The following SUGCT variants were observed in gnomAD, a reference collection of about 807,000 sequenced individuals.
The protein encoded by SUGCT is succinyl-CoA:glutarate CoA-transferase.
In SUGCT, 41 loss-of-function variants were observed where a neutral mutation model predicts 55.0. That is an observed-to-expected ratio of 0.74 (90% CI 0.58 to 0.97). The LOEUF (loss-of-function observed/expected upper bound fraction) is 0.97, where lower values mean the gene tolerates loss of function less well. SUGCT is among the 50% of genes least tolerant of loss of function. SUGCT has a pLI of 0.00. For missense variants in SUGCT, 568 were observed against 547.8 expected (o/e 1.04, Z -0.37); for synonymous variants, 187 against 200.4 (o/e 0.93, Z 0.56).
At chr7:40,224,345 GT>G (rs889852544) in intron 6 of SUGCT, among the ~76,000 whole-genome samples, 4 of 151,108 alleles carry the variant, frequency 2.6e-5, no homozygotes, top group African/African-American at 9.7e-5. Context: ...GTTTATAATA[GT>G]TTTTTTTCCC....
chr7:40,332,443 ATTT>A, intron 9 of SUGCT, among the ~76,000 whole-genome samples: 1 of 139,386 alleles, frequency 7.2e-6, no homozygotes, highest in South Asian at 2.2e-4. Context: ...TCTGCATTGG[ATTT>A]TTTTTTTTGT....
At chr7:40,518,069 G>A (rs1793343441) in intron 12 of SUGCT, among the ~76,000 whole-genome samples, 1 of 152,104 alleles carries the variant, frequency 6.6e-6, no homozygotes, top group Non-Finnish European at 1.5e-5. Flanking sequence ...TGGTACTGTG[G>A]TGGTGGACAC....
intron 12 of SUGCT, among the ~76,000 whole-genome samples, chr7:40,551,146 TC>T (rs1795278205): frequency 6.6e-6 from 1 of 152,184 alleles, no homozygotes; most frequent in Non-Finnish European, 1.5e-5. Context: ...TCCTAGGACA[TC>T]CTCCTCTTGG....
At chr7:40,378,308 T>A (rs887457483) in intron 9 of SUGCT, among the ~76,000 whole-genome samples, 2 of 152,142 alleles carry the variant, frequency 1.3e-5, no homozygotes, top group Admixed American at 1.3e-4. Flanking sequence ...TTTTTCTTCA[T>A]CCTTTTTTCT....
intron 9 of SUGCT, among the ~76,000 whole-genome samples, chr7:40,332,048 T>G (rs1313198089): frequency 2.0e-5 from 3 of 152,210 alleles, no homozygotes; most frequent in Non-Finnish European, 4.4e-5. Context: ...AATTCCAGAT[T>G]GTCTGTTCTT....
intron 8 of SUGCT, among the ~76,000 whole-genome samples, chr7:40,277,578 A>G (rs1347385603): frequency 6.6e-6 from 1 of 152,076 alleles, no homozygotes; most frequent in African/African-American, 2.4e-5. Context: ...ATGTCTCTTC[A>G]TAGACTTGCT....
chr7:40,749,278 T>TA (rs1295034030), intron 12 of SUGCT, among the ~76,000 whole-genome samples, 156 bp from the exon 13 acceptor site: 1 of 152,246 alleles, frequency 6.6e-6, no homozygotes, highest in Non-Finnish European at 1.5e-5. Context: ...ACGTTATTTT[T>TA]ATGTCAAATG....
intron 7 of SUGCT, among the ~76,000 whole-genome samples, chr7:40,248,907 C>A (rs1584457800): frequency 1.7e-5 from 2 of 119,818 alleles, no homozygotes; most frequent in African/African-American, 6.1e-5. Flanking sequence ...CACACACACA[C>A]ACGCACACAC....
intron 13 of SUGCT, among the ~76,000 whole-genome samples, chr7:40,823,849 C>T (rs1252450832): frequency 2.6e-5 from 4 of 152,110 alleles, no homozygotes; most frequent in South Asian, 2.1e-4. Flanking sequence ...CCTAGTCCCA[C>T]GAAATTGTCC....
chr7:40,437,710 C>T (rs986283661), intron 9 of SUGCT, among the ~76,000 whole-genome samples: 1 of 152,186 alleles, frequency 6.6e-6, no homozygotes. Context: ...TGTACTAGCA[C>T]AGACCCAGAA....
At chr7:40,221,400 C>T (rs1338064439) in intron 6 of SUGCT, among the ~76,000 whole-genome samples, 17 of 143,852 alleles carry the variant, frequency 1.2e-4, no homozygotes, top group South Asian at 2.2e-4. Context: ...GGTGACAGAG[C>T]GAGACCCTGT....
intron 11 of SUGCT, among the ~76,000 whole-genome samples, chr7:40,483,307 G>A (rs952455713): frequency 6.6e-6 from 1 of 152,078 alleles, no homozygotes; most frequent in Non-Finnish European, 1.5e-5. Context: ...CCAAGTTTTT[G>A]TTCCTAAAAA....
At chr7:40,548,634 A>G (rs191237352) in intron 12 of SUGCT, among the ~76,000 whole-genome samples, 1 of 152,136 alleles carries the variant, frequency 6.6e-6, no homozygotes, top group Admixed American at 6.5e-5. Context: ...CCCCACCCCC[A>G]GAGTTGTACA....
intron 12 of SUGCT, among the ~76,000 whole-genome samples, chr7:40,736,276 A>G (rs890319795): frequency 3.5e-5 from 4 of 114,008 alleles, no homozygotes; most frequent in Non-Finnish European, 6.8e-5. Flanking sequence ...TATATAATAT[A>G]TAATATATTA....
At chr7:40,208,614 G>A (rs1030769963) in intron 6 of SUGCT, among the ~76,000 whole-genome samples, 1 of 151,078 alleles carries the variant, frequency 6.6e-6, no homozygotes, top group African/African-American at 2.4e-5. Context: ...GTGCGATCTC[G>A]GCTCACTGCA....
intron 11 of SUGCT, 145 bp from the exon 12 acceptor site, chr7:40,496,139 C>T (rs1791958400): frequency 1.8e-6 from 1 of 570,052 alleles, no homozygotes; most frequent in Non-Finnish European, 3.1e-6. Flanking sequence ...TTCATACAGA[C>T]AACCTTCTCT....
At chr7:41,001,015 T>G in the SUGCT span, among the ~76,000 whole-genome samples, 1 of 152,168 alleles carries the variant, frequency 6.6e-6, no homozygotes, top group African/African-American at 2.4e-5. Flanking sequence ...GCAGTTTCAG[T>G]TATCAGCCAT....
chr7:40,739,661 G>A (rs1438725361), intron 12 of SUGCT, among the ~76,000 whole-genome samples: 2 of 152,004 alleles, frequency 1.3e-5, no homozygotes, highest in Non-Finnish European at 2.9e-5. Context: ...TGTCAAAAAG[G>A]CTGTATTACT....
intron 13 of SUGCT, among the ~76,000 whole-genome samples, chr7:40,816,393 A>G (rs1483945212): frequency 1.3e-5 from 2 of 152,174 alleles, no homozygotes. Context: ...CCTTTCCCCA[A>G]GTTAGCACTA....
Sources: allele counts gnomAD v4.1 joint callset (sites outside exome capture counted in the v4.1 genomes callset), GRCh38; gene constraint gnomAD v4.1.1; transcripts MANE v1.5; gene names NCBI Gene and HGNC (gene_info 2026-07-23, HGNC 2026-07-21).